Variants in ANKFY1 observed in about 807,000 individuals in gnomAD.
The protein encoded by ANKFY1 is ankyrin repeat and FYVE domain-containing protein 1.
In ANKFY1, 47 loss-of-function variants were observed where a neutral mutation model predicts 128.3. That is an observed-to-expected ratio of 0.37 (90% CI 0.29 to 0.47). The LOEUF is 0.47. Ranked by LOEUF, ANKFY1 falls within the 20% of genes least tolerant of loss-of-function variation. The pLI, the probability that ANKFY1 is intolerant of heterozygous loss-of-function variation, is 1.00. For missense variants in ANKFY1, 1,222 were observed against 1,510.6 expected (o/e 0.81, Z 3.17); for synonymous variants, 553 against 601.6 (o/e 0.92, Z 1.18).
intron 7 of ANKFY1, among the ~76,000 whole-genome samples, chr17:4,200,294 G>A (rs2059905038): frequency 6.6e-6 from 1 of 152,100 alleles, no homozygotes; most frequent in Non-Finnish European, 1.5e-5. Context: ...GAACTCCTGG[G>A]CTCAAGCAAT....
intron 7 of ANKFY1, among the ~76,000 whole-genome samples, chr17:4,201,479 A>ATTTTTTTTTTTTTT (rs59058325): frequency 7.4e-6 from 1 of 135,700 alleles, no homozygotes; most frequent in African/African-American, 2.7e-5. Context: ...CCTGTGTCTG[A>ATTTTTTTTTTTTTT]TTTTTTTTTT....
In ANKFY1 at chr17:4,170,676, C is replaced by CT. The variant is rs1192939997; in HGVS notation, c.3286+38dup. On this transcript the variant is annotated intron_variant, in intron 23 of 24. Coordinates refer to ENST00000341657, the MANE Select transcript of ANKFY1 (RefSeq NM_001330063.2). ...ATACATGGCGATCCCAACACTACGA[C>CT]TGTGCTTGCACTGTGAGAGCAGAGA... 3.8e-6 allele frequency: 6 copies of CT among 1,577,404 alleles called. No individual in the cohort carries two copies. The African/African-American group carries it at 8.1e-5, about 21-fold the overall frequency.
At chr17:4,263,744 T>C (rs1598169898) in intron 1 of ANKFY1, 188 bp downstream of exon 1, 1 of 1,496,304 alleles carries the variant, frequency 6.7e-7, no homozygotes, top group Non-Finnish European at 8.8e-7. Context: ...GGGAGGGACG[T>C]TGTCATAGGA....
intron 3 of ANKFY1, among the ~76,000 whole-genome samples, chr17:4,230,007 T>G (rs2060488443): frequency 6.6e-6 from 1 of 152,206 alleles, no homozygotes; most frequent in Non-Finnish European, 1.5e-5. Flanking sequence ...GTGAGCATAT[T>G]CTAAACTTCC....
chr17:4,242,910 C>T (rs1405380911), intron 1 of ANKFY1, among the ~76,000 whole-genome samples: 2 of 152,174 alleles, frequency 1.3e-5, no homozygotes, highest in Non-Finnish European at 2.9e-5. Flanking sequence ...AATCCTTCAC[C>T]ATAAAGCCAG....
intron 17 of ANKFY1, 132 bp downstream of exon 17, chr17:4,179,589 T>C: frequency 8.4e-7 from 1 of 1,188,694 alleles, no homozygotes; most frequent in South Asian, 1.5e-5. Flanking sequence ...TCATGAACGC[T>C]GCTAGGGAGG....
chr17:4,224,452 A>C (rs1170017551), intron 3 of ANKFY1, among the ~76,000 whole-genome samples: 2 of 151,550 alleles, frequency 1.3e-5, no homozygotes, highest in Non-Finnish European at 2.9e-5. Context: ...AAGTTTTTTT[A>C]ATGTTATTTT....
intron 8 of ANKFY1, among the ~76,000 whole-genome samples, chr17:4,195,944 A>C (rs2143010240): frequency 6.6e-6 from 1 of 151,850 alleles, no homozygotes; most frequent in African/African-American, 2.4e-5. Context: ...GGAGCCCTGC[A>C]GGAGACTGGC....
At chr17:4,252,387 G>T (rs1967885057) in intron 1 of ANKFY1, among the ~76,000 whole-genome samples, 1 of 152,052 alleles carries the variant, frequency 6.6e-6, no homozygotes, top group Admixed American at 6.6e-5. Context: ...GCAACAGAGT[G>T]AGACCCCCGT....
chr17:4,259,505 C>A (rs965957790), intron 1 of ANKFY1, among the ~76,000 whole-genome samples: 1 of 152,164 alleles, frequency 6.6e-6, no homozygotes, highest in Non-Finnish European at 1.5e-5. Flanking sequence ...TGGTCTGGAA[C>A]TCCTGACCTC....
chr17:4,215,698 CAACA>C (rs752502418), intron 4 of ANKFY1, among the ~76,000 whole-genome samples: 49 of 152,156 alleles, frequency 3.2e-4, no homozygotes, highest in Non-Finnish European at 6.9e-4. Flanking sequence ...GGTCAACAAA[CAACA>C]AACAGTTTAA....
intron 4 of ANKFY1, among the ~76,000 whole-genome samples, chr17:4,212,023 T>C (rs1254182703): frequency 6.6e-6 from 1 of 152,148 alleles, no homozygotes; most frequent in Non-Finnish European, 1.5e-5. Flanking sequence ...AGATATGGCA[T>C]TGGAAAGACC....
rs368929290 is a variant in ANKFY1 at position 4,172,518 on chromosome 17, G to A, written c.3139+38C>T. 18 of 1,596,082 alleles carry A rather than the reference G, an allele frequency of 1.1e-5. No individual in the cohort carries two copies. The Middle Eastern group carries it at 9.1e-4, about 81-fold the overall frequency. On this transcript the variant is annotated intron_variant, in intron 22 of 24. Transcript: ENST00000341657. ...CTTGCTTTTCCAGGAAGCAAGGTGC[G>A]CAAGTGAGACGGGACATACCCAGCC...
intron 3 of ANKFY1, among the ~76,000 whole-genome samples, chr17:4,233,266 C>T (rs934438815): frequency 6.6e-6 from 1 of 151,986 alleles, no homozygotes; most frequent in African/African-American, 2.4e-5. Flanking sequence ...TAATCAAGAT[C>T]CTATCACACA....
At chr17:4,231,671 G>C (rs1247442902) in intron 3 of ANKFY1, among the ~76,000 whole-genome samples, 1 of 151,694 alleles carries the variant, frequency 6.6e-6, no homozygotes, top group African/African-American at 2.4e-5. Context: ...GCTGTGTGCA[G>C]TGCCTCACAC....
At chr17:4,215,740 T>G (rs1347183368) in intron 4 of ANKFY1, among the ~76,000 whole-genome samples, 1 of 152,186 alleles carries the variant, frequency 6.6e-6, no homozygotes, top group Non-Finnish European at 1.5e-5. Context: ...CAGATTACAA[T>G]TATCTCAACT....
intron 23 of ANKFY1, among the ~76,000 whole-genome samples, chr17:4,170,275 A>T (rs1468080577): frequency 6.6e-6 from 1 of 152,196 alleles, no homozygotes; most frequent in East Asian, 1.9e-4. Flanking sequence ...AAGAGTAAAG[A>T]TTCACAAATA....
At position 4,181,021 on chromosome 17, in the gene ANKFY1, G is replaced by A. The variant is rs967752051; in HGVS notation, c.2240+233C>T. Reference sequence around the variant, plus strand: ...GCTCAGGCAGCTCCCAAAGCAGGACGCTGACTCCAGCTTTCAGATTCTTTG... The same window carrying A: ...GCTCAGGCAGCTCCCAAAGCAGGACACTGACTCCAGCTTTCAGATTCTTTG... On this transcript the variant is annotated intron_variant, in intron 16 of 24. Coordinates refer to ENST00000341657, the MANE Select transcript of ANKFY1 (RefSeq NM_001330063.2). This position sits in a 1 kb window ranked among gnomAD's most constrained non-coding sequence, Gnocchi z 4.9. The A allele has an allele frequency of 1.7e-5, 8 of 480,306 alleles. No individual in the cohort carries two copies. Among genetic ancestry groups the A allele is most frequent in the Admixed American group, 1.6e-4 (5 of 31,138 alleles). The allele number at this position is 480,306 out of a possible 1,614,324, so 29.8% of individuals were successfully genotyped here. A position where few individuals can be genotyped will look rare whatever the true frequency, so the allele number is the denominator to read the frequency against.
At chr17:4,221,532 C>T (rs2060312385) in intron 3 of ANKFY1, among the ~76,000 whole-genome samples, 1 of 152,088 alleles carries the variant, frequency 6.6e-6, no homozygotes, top group Non-Finnish European at 1.5e-5. Flanking sequence ...TTTAAATCCT[C>T]TATTTTTAAT....
Sources: gnomAD v4.1 joint callset for allele counts (sites outside exome capture counted in the v4.1 genomes callset) on GRCh38, gnomAD v4.1.1 for gene constraint, Gnocchi (gnomAD v3.1) non-coding constraint, MANE v1.5 for transcripts, NCBI Gene and HGNC (gene_info 2026-07-23, HGNC 2026-07-21) for gene names.